Variants in KIF26B observed in about 807,000 individuals in gnomAD.
The protein encoded by KIF26B is kinesin-like protein KIF26B.
KIF26B carries 63 observed loss-of-function variants against 151.2 expected under a neutral mutation model. The ratio of observed to expected loss-of-function variants is 0.42; its 90% CI spans 0.34 to 0.51. KIF26B has a LOEUF of 0.51. Among genes scored for constraint, KIF26B ranks in the 20% least tolerant of loss-of-function variants. The pLI, the probability that KIF26B is intolerant of heterozygous loss-of-function variation, is 0.07. For missense variants in KIF26B, 2,813 were observed against 2,913.6 expected, an observed-to-expected ratio of 0.97 and a Z score of 0.79; for synonymous variants, 1,357 against 1,262.1, an observed-to-expected ratio of 1.08 and a Z score of -1.59.
At chr1:245,633,420 T>A (rs2043802302) in intron 9 of KIF26B, among the ~76,000 whole-genome samples, 1 of 152,234 alleles carries the variant, frequency 6.6e-6, no homozygotes, top group Non-Finnish European at 1.5e-5. Flanking sequence ...GATGGTTTTG[T>A]ATATTTTTTG....
At chr1:245,344,277 TTTCA>T (rs777215545) in intron 2 of KIF26B, among the ~76,000 whole-genome samples, 18 of 151,942 alleles carry the variant, frequency 1.2e-4, no homozygotes, top group Non-Finnish European at 2.1e-4. Flanking sequence ...CATCTCTTAA[TTTCA>T]TTCATTCATT....
intron 10 of KIF26B, among the ~76,000 whole-genome samples, chr1:245,655,207 C>G (rs1050561000): frequency 6.6e-6 from 1 of 152,222 alleles, no homozygotes; most frequent in Non-Finnish European, 1.5e-5. Context: ...TTCATTTCTC[C>G]ATCAGCAAAA....
rs749936496 is a variant in KIF26B, at chr1:245,700,791, CAG to C, written c.6179-1666_6179-1665del. ...CGAAGGCGCTAATGGGGAGGGCAGA[CAG>C]GGGCGAGGGCGCTGGTTACTGTCTG... is the stretch of plus-strand genomic sequence containing the variant. On this transcript the variant is annotated intron_variant, in intron 14 of 14. Transcript: ENST00000407071. Among the ~76,000 whole-genome samples, 6 of 152,332 alleles carry C rather than the reference CAG, an allele frequency of 3.9e-5. No homozygotes were observed. The East Asian group carries it at 9.7e-4, about 25-fold the overall frequency.
intron 4 of KIF26B, among the ~76,000 whole-genome samples, chr1:245,426,534 C>T (rs965542493): frequency 1.3e-5 from 2 of 152,216 alleles, no homozygotes; most frequent in Non-Finnish European, 2.9e-5. Context: ...TATCTTCCAT[C>T]GTTGTTTTTG....
At chr1:245,438,309 T>A (rs2103045528) in intron 4 of KIF26B, among the ~76,000 whole-genome samples, 1 of 152,348 alleles carries the variant, frequency 6.6e-6, no homozygotes, top group African/African-American at 2.4e-5. Flanking sequence ...TGAGCAGTCC[T>A]GGAGGACACA....
intron 9 of KIF26B, among the ~76,000 whole-genome samples, chr1:245,634,248 G>T (rs1592026): frequency 0.72 from 110,202 of 152,148 alleles, 39,926 homozygotes; most frequent in East Asian, 0.89. Flanking sequence ...GCATCCATTA[G>T]ATTTTTCTAT....
intron 2 of KIF26B, among the ~76,000 whole-genome samples, chr1:245,191,312 TA>T (rs1258566202): frequency 1.3e-5 from 2 of 151,196 alleles, no homozygotes; most frequent in Non-Finnish European, 2.9e-5. Context: ...CCATCTCTAC[TA>T]AAAATCCAAA....
chr1:245,453,343 T>G (rs1441900514), intron 4 of KIF26B, among the ~76,000 whole-genome samples: 1 of 152,176 alleles, frequency 6.6e-6, no homozygotes, highest in Admixed American at 6.5e-5. Flanking sequence ...TGTCTTTATA[T>G]AAAATATAAA....
intron 3 of KIF26B, among the ~76,000 whole-genome samples, chr1:245,416,046 C>T (rs1674407974): frequency 6.7e-6 from 1 of 149,720 alleles, no homozygotes; most frequent in Non-Finnish European, 1.5e-5. Context: ...GTGGGCGGAT[C>T]ACCTGAGGTC....
intron 3 of KIF26B, among the ~76,000 whole-genome samples, chr1:245,371,982 G>A (rs1673139923): frequency 6.6e-6 from 1 of 152,178 alleles, no homozygotes; most frequent in Non-Finnish European, 1.5e-5. Flanking sequence ...CAGACATTTA[G>A]CACAATCTAT....
Position 245,688,695 on chromosome 1 carries a change from C to A in KIF26B, c.5712C>A (p.Asp1904Glu). The A allele has an allele frequency of 1.2e-6, 2 of 1,606,750 alleles. No individual in the cohort carries two copies. The highest frequency in any genetic ancestry group is 1.7e-6 in the Non-Finnish European group (2 of 1,177,634). ...GSSGYESVMR[D>E]SEATGSASSA... ...GCGGCTACGAGAGCGTGATGCGGGACAGCGAGGCCACCGGCAGCGCGTCCT... is the reference window on the plus strand; with the variant it reads ...GCGGCTACGAGAGCGTGATGCGGGAAAGCGAGGCCACCGGCAGCGCGTCCT... The change falls in exon 12 of 15, where the codon GAC (aspartate) becomes GAA (glutamate). Residue 1904 changes from aspartate to glutamate, a missense_variant. By Grantham distance (45) the Asp-to-Glu change is conservative. Coordinates refer to ENST00000407071, the MANE Select transcript of KIF26B (RefSeq NM_018012.4).
At chr1:245,526,007 G>A (rs1012800052) in intron 4 of KIF26B, among the ~76,000 whole-genome samples, 1 of 152,022 alleles carries the variant, frequency 6.6e-6, no homozygotes, top group Non-Finnish European at 1.5e-5. Context: ...TTTACATATT[G>A]TAAATGTCAC....
At chr1:245,156,193 G>A in intron 1 of KIF26B, 89 bp from the exon 2 acceptor site, 1 of 1,476,766 alleles carries the variant, frequency 6.8e-7, no homozygotes, top group Non-Finnish European at 8.9e-7. Context: ...CGGTTCGAGC[G>A]GGTACTTGGT....
At chr1:245,330,802 G>A (rs1219096866) in intron 2 of KIF26B, among the ~76,000 whole-genome samples, 1 of 79,924 alleles carries the variant, frequency 1.3e-5, no homozygotes, top group Non-Finnish European at 2.1e-5. Flanking sequence ...CGGGGTAATG[G>A]GGGGAGAGTC....
At chr1:245,274,710 A>G (rs1185269231) in intron 2 of KIF26B, among the ~76,000 whole-genome samples, 2 of 152,190 alleles carry the variant, frequency 1.3e-5, no homozygotes, top group Non-Finnish European at 2.9e-5. Flanking sequence ...GTGTCTTTAT[A>G]GTAGAATGAT....
chr1:245,652,907 G>A lies in KIF26B; in HGVS notation c.2258+6627G>A, dbSNP rs576997330. Among the ~76,000 whole-genome samples, 65 of 152,294 alleles carry A rather than the reference G, an allele frequency of 4.3e-4. 1 individual carries two copies. Among genetic ancestry groups the A allele is most frequent in the Admixed American group, 2.0e-4 (3 of 15,302 alleles). ...GCGTAATGGCACATGATGGTCTCGGGGCTGGGTAGAAATTGGAAGGCGTCT... is the reference window on the plus strand; with the variant it reads ...GCGTAATGGCACATGATGGTCTCGGAGCTGGGTAGAAATTGGAAGGCGTCT... On this transcript the variant is annotated intron_variant, in intron 10 of 14. Coordinates refer to ENST00000407071, the MANE Select transcript of KIF26B (RefSeq NM_018012.4).
At chr1:245,581,941 G>GAAGGAAGA (rs1271481770) in intron 5 of KIF26B, among the ~76,000 whole-genome samples, 5 of 151,568 alleles carry the variant, frequency 3.3e-5, no homozygotes, top group African/African-American at 9.7e-5. Context: ...AGGAAGGAAG[G>GAAGGAAGA]AAGGAAGGAA....
chr1:245,204,229 A>C (rs1206745039), intron 2 of KIF26B, among the ~76,000 whole-genome samples: 1 of 152,188 alleles, frequency 6.6e-6, no homozygotes, highest in Non-Finnish European at 1.5e-5. Context: ...GAACAAATGA[A>C]AACGGCACTG....
intron 4 of KIF26B, among the ~76,000 whole-genome samples, chr1:245,454,148 C>G (rs1032893174): frequency 1.2e-4 from 18 of 152,168 alleles, no homozygotes; most frequent in African/African-American, 4.3e-4. Context: ...TTTAGAGCTA[C>G]TAGAAGTTTT....
Sources: allele counts gnomAD v4.1 joint callset (sites outside exome capture counted in the v4.1 genomes callset), GRCh38; gene constraint gnomAD v4.1.1; transcripts MANE v1.5; gene names NCBI Gene and HGNC (gene_info 2026-07-23, HGNC 2026-07-21).